F13A1: variants seen among roughly 807,000 people sequenced by gnomAD.
F13A1 encodes the protein FSF, A subunit.
Under a neutral mutation model 80.1 loss-of-function variants are expected in F13A1, and 47 were observed. The observed-to-expected ratio is 0.59, with a 90% CI of 0.46 to 0.75. The LOEUF (loss-of-function observed/expected upper bound fraction) is 0.75. Ranked by LOEUF, F13A1 falls within the 30% of genes least tolerant of loss-of-function variation. F13A1 has a pLI of 0.00. For synonymous variants in F13A1, 349 were observed against 344.9 expected (o/e 1.01, Z -0.13); for missense variants, 817 against 930.4 (o/e 0.88, Z 1.59).
intron 6 of F13A1, among the ~76,000 whole-genome samples, chr6:6,232,391 C>T (rs1350518828): frequency 2.0e-5 from 3 of 152,172 alleles, no homozygotes; most frequent in African/African-American, 7.2e-5. Flanking sequence ...CCTTGTCCAA[C>T]AGGAAAATAT....
chr6:6,203,171 A>G (rs1001870612), intron 8 of F13A1, among the ~76,000 whole-genome samples: 4 of 152,238 alleles, frequency 2.6e-5, no homozygotes, highest in African/African-American at 9.6e-5. Flanking sequence ...CTAGGCAAGA[A>G]AGACATCCAT....
chr6:6,157,365 A>G (rs1308446492), intron 13 of F13A1, among the ~76,000 whole-genome samples: 1 of 152,056 alleles, frequency 6.6e-6, no homozygotes, highest in Admixed American at 6.6e-5. Context: ...GGTCTTTCTG[A>G]CTCTAAAACA....
At chr6:6,185,835 T>C (rs1166675701) in intron 10 of F13A1, among the ~76,000 whole-genome samples, 4 of 152,122 alleles carry the variant, frequency 2.6e-5, no homozygotes, top group African/African-American at 7.2e-5. Context: ...TACAGTCTCA[T>C]CAACAGTGTA....
At chr6:6,188,044 G>A (rs1761112807) in intron 10 of F13A1, among the ~76,000 whole-genome samples, 1 of 151,826 alleles carries the variant, frequency 6.6e-6, no homozygotes, top group Non-Finnish European at 1.5e-5. Context: ...ATGGTACTTT[G>A]TATTTCTGTG....
At chr6:6,314,683 T>A (rs1289799971) in intron 2 of F13A1, among the ~76,000 whole-genome samples, 14 of 152,198 alleles carry the variant, frequency 9.2e-5, no homozygotes, top group Admixed American at 9.2e-4. Context: ...AATGATCTTT[T>A]ATTTATTTTG....
chr6:6,202,939 G>A (rs1343449177), intron 8 of F13A1, among the ~76,000 whole-genome samples: 6 of 152,212 alleles, frequency 3.9e-5, no homozygotes, highest in East Asian at 3.9e-4. Flanking sequence ...TACATGGGAC[G>A]TCATAGTTTA....
At chr6:6,230,681 G>C (rs1757338864) in intron 6 of F13A1, among the ~76,000 whole-genome samples, 2 of 152,152 alleles carry the variant, frequency 1.3e-5, no homozygotes, top group Admixed American at 6.5e-5. Context: ...AACCCTAACA[G>C]TGTCCATTGT....
rs530885621 is a variant in F13A1, at chr6:6,224,522, C to T, written c.973+164G>A. 8.5e-5 allele frequency among the ~76,000 whole-genome samples: 13 copies of T among 152,212 alleles called. No homozygotes were observed. The South Asian group carries it at 2.7e-3, about 32-fold the overall frequency. ...AAAGAGAAACTATGAGCATATTTGG[C>T]CCACTACAATTTAATTATGCATTGA... is the stretch of plus-strand genomic sequence containing the variant. On this transcript the variant is annotated intron_variant, in intron 7 of 14. Coordinates refer to ENST00000264870, the MANE Select transcript of F13A1 (RefSeq NM_000129.4).
chr6:6,150,022 G>C (rs1760345293), intron 14 of F13A1, among the ~76,000 whole-genome samples: 1 of 152,138 alleles, frequency 6.6e-6, no homozygotes, highest in Non-Finnish European at 1.5e-5. Flanking sequence ...AATTCACTGT[G>C]TAATAATTCA....
intron 3 of F13A1, among the ~76,000 whole-genome samples, chr6:6,291,531 C>T (rs1195144822): frequency 1.3e-5 from 2 of 152,130 alleles, no homozygotes; most frequent in African/African-American, 2.4e-5. Flanking sequence ...GGAATCTACC[C>T]GAGTTCAACC....
intron 3 of F13A1, among the ~76,000 whole-genome samples, chr6:6,277,131 C>A (rs573493612): frequency 7.5e-5 from 1 of 13,384 alleles, no homozygotes; most frequent in South Asian, 1.5e-3. Context: ...TGCAGGAGAT[C>A]GAGACCATCC....
At position 6,151,961 on chromosome 6, in the gene F13A1, A is replaced by C; in HGVS notation, c.1909-12T>G. 1 of 1,613,846 alleles carries C rather than the reference A, an allele frequency of 6.2e-7. No individual in the cohort carries two copies. The highest frequency in any genetic ancestry group is 1.3e-5 in the African/African-American group (1 of 75,012). On this transcript the variant is annotated splice_polypyrimidine_tract_variant and intron_variant, in intron 13 of 14. Coordinates refer to ENST00000264870, the MANE Select transcript of F13A1 (RefSeq NM_000129.4). The stretch of plus-strand genomic sequence containing the variant: ...TGAGTGCCACGGACCTAAGAGAGAG[A>C]ATGCAGGTCATTAGCACCAAATAAA...
At chr6:6,190,945 C>T (rs925867284) in intron 10 of F13A1, among the ~76,000 whole-genome samples, 33 of 151,980 alleles carry the variant, frequency 2.2e-4, no homozygotes, top group Middle Eastern at 6.8e-3. Context: ...TTTTTAAGCC[C>T]GTCGGAAAAG....
intron 13 of F13A1, among the ~76,000 whole-genome samples, chr6:6,161,269 G>A (rs1195362903): frequency 6.6e-6 from 1 of 152,114 alleles, no homozygotes; most frequent in Non-Finnish European, 1.5e-5. Flanking sequence ...GCCACACTCA[G>A]GCCACTGGCC....
intron 11 of F13A1, among the ~76,000 whole-genome samples, chr6:6,180,655 C>T (rs985113977): frequency 1.3e-5 from 2 of 152,212 alleles, no homozygotes; most frequent in South Asian, 4.1e-4. Context: ...CAAAAAAATA[C>T]CACCTTTGTA....
chr6:6,191,475 C>G (rs6901834), intron 10 of F13A1, among the ~76,000 whole-genome samples: 2,293 of 152,276 alleles, frequency 0.015, 41 homozygotes, highest in Middle Eastern at 0.054. Flanking sequence ...ACACCCTTGC[C>G]TCTTAAGTAC....
At chr6:6,209,437 G>A (rs1761561209) in intron 8 of F13A1, among the ~76,000 whole-genome samples, 1 of 151,966 alleles carries the variant, frequency 6.6e-6, no homozygotes, top group Non-Finnish European at 1.5e-5. Flanking sequence ...AAACAGTTTG[G>A]CACTTCATCA....
intron 12 of F13A1, among the ~76,000 whole-genome samples, chr6:6,170,490 A>C (rs1760753265): frequency 6.6e-6 from 1 of 152,244 alleles, no homozygotes; most frequent in Non-Finnish European, 1.5e-5. Flanking sequence ...TAAACGTGGC[A>C]GGAGAAGGAG....
chr6:6,216,310 T>C (rs1296534318), intron 8 of F13A1, among the ~76,000 whole-genome samples: 2 of 151,718 alleles, frequency 1.3e-5, no homozygotes, highest in Non-Finnish European at 2.9e-5. Context: ...AACAGGATGG[T>C]ACTGGTACCA....
Sources: gnomAD v4.1 joint callset for allele counts (sites outside exome capture counted in the v4.1 genomes callset) on GRCh38, gnomAD v4.1.1 for gene constraint, MANE v1.5 for transcripts, NCBI Gene and HGNC (gene_info 2026-07-23, HGNC 2026-07-21) for gene names.